Variants in SLC41A2 observed in about 807,000 individuals in gnomAD.
SLC41A2 encodes solute carrier family 41 member 2.
In SLC41A2, 32 loss-of-function variants were observed where a neutral mutation model predicts 58.3. The observed-to-expected ratio is 0.55, with a 90% CI of 0.41 to 0.74. SLC41A2 has a LOEUF of 0.74. SLC41A2 is among the 30% of genes least tolerant of loss of function. The pLI is 0.00. For missense variants in SLC41A2, 514 were observed against 680.6 expected (o/e 0.76, Z 2.72); for synonymous variants, 190 against 235.0 (o/e 0.81, Z 1.75).
rs941615951 is a variant in SLC41A2, at chr12:104,937,048, T to C, written c.-167-8354A>G. Among the ~76,000 whole-genome samples the C allele has an allele frequency of 2.6e-5, 4 of 152,268 alleles. No homozygotes were observed. In the East Asian group the frequency reaches 7.7e-4, roughly 29 times the overall value. ...TTTCCTTGAGTCCAGGAGCTCAAGA[T>C]TACAGTAAGCTATGATTGTGCACTG... On this transcript the variant is annotated intron_variant, in intron 1 of 10. Transcript: ENST00000258538.
At chr12:104,880,210 T>G (rs930250217) in intron 6 of SLC41A2, among the ~76,000 whole-genome samples, 2 of 152,268 alleles carry the variant, frequency 1.3e-5, no homozygotes, top group Middle Eastern at 3.4e-3. Flanking sequence ...TTAAGGAGAT[T>G]TGGGGCAGAT....
intron 6 of SLC41A2, among the ~76,000 whole-genome samples, chr12:104,870,742 A>G (rs1364431399): frequency 1.3e-5 from 2 of 152,210 alleles, no homozygotes; most frequent in Non-Finnish European, 2.9e-5. Context: ...CATTTCATTA[A>G]TAGTGTTCAT....
At chr12:104,893,891 T>G (rs376627794) in intron 4 of SLC41A2, among the ~76,000 whole-genome samples, 77 of 152,230 alleles carry the variant, frequency 5.1e-4, no homozygotes, top group African/African-American at 1.7e-3. Context: ...GAGGTAGGGA[T>G]GGTTAATGAG....
At chr12:104,911,929 G>A (rs1438866147) in intron 2 of SLC41A2, among the ~76,000 whole-genome samples, 2 of 152,154 alleles carry the variant, frequency 1.3e-5, no homozygotes, top group African/African-American at 4.8e-5. Flanking sequence ...AATGAAATAT[G>A]TATCTTTCAA....
intron 6 of SLC41A2, among the ~76,000 whole-genome samples, chr12:104,868,622 C>A (rs965294361): frequency 6.6e-6 from 1 of 152,200 alleles, no homozygotes; most frequent in Non-Finnish European, 1.5e-5. Flanking sequence ...AACATATTTA[C>A]ATAAAAACTT....
chr12:104,815,572 A>G (rs1455770411), intron 10 of SLC41A2, among the ~76,000 whole-genome samples: 3 of 152,198 alleles, frequency 2.0e-5, no homozygotes, highest in African/African-American at 7.2e-5. Context: ...AACTGCCAAT[A>G]AACACCTTGT....
At chr12:104,812,877 T>A (rs2041235513) in intron 10 of SLC41A2, among the ~76,000 whole-genome samples, 1 of 149,768 alleles carries the variant, frequency 6.7e-6, no homozygotes, top group Non-Finnish European at 1.5e-5. Context: ...AAAAAAAAAA[T>A]TAAGAAATTT....
At chr12:104,954,635 A>G (rs1404114280) in intron 1 of SLC41A2, among the ~76,000 whole-genome samples, 1 of 152,250 alleles carries the variant, frequency 6.6e-6, no homozygotes, top group Non-Finnish European at 1.5e-5. Context: ...TAGTTAAAAC[A>G]AAGTAAAAAC....
intron 1 of SLC41A2, among the ~76,000 whole-genome samples, chr12:104,930,678 C>T (rs897310773): frequency 1.3e-5 from 2 of 152,148 alleles, no homozygotes; most frequent in African/African-American, 2.4e-5. Flanking sequence ...AGAGAGATGA[C>T]AGTGTCACCA....
chr12:104,822,305 T>TGGC (rs1351316651), intron 10 of SLC41A2, among the ~76,000 whole-genome samples: 3 of 152,184 alleles, frequency 2.0e-5, no homozygotes, highest in African/African-American at 7.2e-5. Flanking sequence ...GTGCTCCCTT[T>TGGC]TTGCCCATAG....
At chr12:104,827,886 A>G (rs570452065) in intron 10 of SLC41A2, among the ~76,000 whole-genome samples, 5 of 152,306 alleles carry the variant, frequency 3.3e-5, no homozygotes, top group South Asian at 2.1e-4. Context: ...TGGGAAGGGC[A>G]TGGTTCCTTT....
At chr12:104,900,717 G>A (rs1249277463) in intron 3 of SLC41A2, among the ~76,000 whole-genome samples, 1 of 152,184 alleles carries the variant, frequency 6.6e-6, no homozygotes, top group Non-Finnish European at 1.5e-5. Flanking sequence ...TAGCAATCAG[G>A]TGTATAACAA....
chr12:104,916,132 G>A (rs909863584), intron 2 of SLC41A2, among the ~76,000 whole-genome samples: 4 of 152,128 alleles, frequency 2.6e-5, no homozygotes, highest in Non-Finnish European at 5.9e-5. Flanking sequence ...ACTTGATCAT[G>A]GTGGATAAGC....
chr12:104,918,931 A>C (rs566940432), intron 2 of SLC41A2, among the ~76,000 whole-genome samples: 8 of 152,280 alleles, frequency 5.3e-5, no homozygotes, highest in African/African-American at 1.9e-4. Context: ...ATTGGCATTG[A>C]TACAGTCAAG....
chr12:104,839,355 C>G (rs1342880471), intron 10 of SLC41A2, among the ~76,000 whole-genome samples: 1 of 151,846 alleles, frequency 6.6e-6, no homozygotes, highest in East Asian at 1.9e-4. Context: ...AAACCGTTAA[C>G]AGTAAAACAA....
At chr12:104,929,057 A>C (rs1459574237) in intron 1 of SLC41A2, among the ~76,000 whole-genome samples, 1 of 152,238 alleles carries the variant, frequency 6.6e-6, no homozygotes, top group Non-Finnish European at 1.5e-5. Context: ...TCAGAATCAA[A>C]TTGCTATACC....
chr12:104,930,877 T>C lies in SLC41A2; in HGVS notation c.-167-2183A>G, dbSNP rs371034816. On this transcript the variant is annotated intron_variant, in intron 1 of 10. Coordinates refer to ENST00000258538, the MANE Select transcript of SLC41A2 (RefSeq NM_001352171.3). ...GTGCAGAACGTGGCTAAGCACATAGTCAACACTGAACTGGCCAGGGGGATC... is the reference window on the plus strand; with the variant it reads ...GTGCAGAACGTGGCTAAGCACATAGCCAACACTGAACTGGCCAGGGGGATC... Among the ~76,000 whole-genome samples, 8 of 152,336 alleles carry C rather than the reference T, an allele frequency of 5.3e-5. No homozygotes were observed. In the East Asian group the frequency reaches 1.2e-3, roughly 22 times the overall value.
rs55670022 is a variant in SLC41A2, at chr12:104,878,299, T to TTATATATATATATATATATATATA, written c.1027+7970_1027+7993dup. 1.4e-3 allele frequency among the ~76,000 whole-genome samples: 194 copies of TTATATATATATATATATATATATA among 139,844 alleles called. 1 individual carries two copies. The highest frequency in any genetic ancestry group is 3.4e-3 in the East Asian group (15 of 4,368). The allele number at this position is 139,844 out of a possible 152,430, so 91.7% of individuals were successfully genotyped here. On this transcript the variant is annotated intron_variant, in intron 6 of 10. Transcript: ENST00000258538. ...AATCTGCAAATAATATACCTGTATT[T>TTATATATATATATATATATATATA]TATATATATATATATATATATATAT...
chr12:104,849,433 C>G (rs190738303), intron 8 of SLC41A2, among the ~76,000 whole-genome samples: 4 of 152,290 alleles, frequency 2.6e-5, no homozygotes, highest in Non-Finnish European at 4.4e-5. Context: ...CTAAAAACAT[C>G]AACTATTTAT....
Sources: gnomAD v4.1 joint callset for allele counts (sites outside exome capture counted in the v4.1 genomes callset) on GRCh38, gnomAD v4.1.1 for gene constraint, MANE v1.5 for transcripts, NCBI Gene and HGNC (gene_info 2026-07-23, HGNC 2026-07-21) for gene names.